The following GTF3C2 variants were observed in gnomAD, a reference collection of about 807,000 sequenced individuals.
GTF3C2 encodes general transcription factor IIIC subunit 2, also known as general transcription factor 3C polypeptide 2.
Under a neutral mutation model 117.4 loss-of-function variants are expected in GTF3C2, and 17 were observed. The ratio of observed to expected loss-of-function variants is 0.14; its 90% CI spans 0.10 to 0.22. GTF3C2 has a LOEUF of 0.22. Among genes scored for constraint, GTF3C2 ranks in the 10% least tolerant of loss-of-function variants. The probability of loss-of-function intolerance (pLI) is 1.00; values close to 1 mark genes in which losing one functional copy is unlikely to be tolerated. For synonymous variants in GTF3C2, 437 were observed against 427.0 expected (o/e 1.02, Z -0.29); for missense variants, 888 against 1,143.6 (o/e 0.78, Z 3.22).
At chr2:27,353,914 G>A (rs576790453) in intron 1 of GTF3C2, among the ~76,000 whole-genome samples, 2 of 151,598 alleles carry the variant, frequency 1.3e-5, no homozygotes, top group African/African-American at 4.8e-5. Flanking sequence ...GTAGAGACAG[G>A]GTCTCAACTA....
chr2:27,346,518 ATTTTTGTAT>A (rs891770041), intron 1 of GTF3C2, among the ~76,000 whole-genome samples: 1 of 148,324 alleles, frequency 6.7e-6, no homozygotes, highest in Non-Finnish European at 1.5e-5. Context: ...TGCCTGACTA[ATTTTTGTAT>A]TTTTTGTAGA....
intron 1 of GTF3C2, among the ~76,000 whole-genome samples, chr2:27,346,294 G>C (rs1343384584): frequency 1.4e-5 from 2 of 143,802 alleles, no homozygotes; most frequent in African/African-American, 2.5e-5. Context: ...AAAATGTTGG[G>C]ATTATAGGTG....
At chr2:27,343,777 G>A (rs1680826947) in intron 1 of GTF3C2, 199 bp from the exon 2 acceptor site, 4 of 521,430 alleles carry the variant, frequency 7.7e-6, no homozygotes, top group Non-Finnish European at 1.0e-5. Context: ...CAGGTGCGGT[G>A]GCTCACACCT....
At chr2:27,338,229 G>A (rs111384633) in intron 4 of GTF3C2, 5 of 553,400 alleles carry the variant, frequency 9.0e-6, no homozygotes, top group African/African-American at 3.8e-5. Flanking sequence ...TGCAAAATCT[G>A]TTACCTATTT....
intron 5 of GTF3C2, 96 bp downstream of exon 5, chr2:27,337,830 T>C: frequency 1.3e-6 from 1 of 791,484 alleles, no homozygotes; most frequent in Non-Finnish European, 2.3e-6. Flanking sequence ...ATTCCACCCA[T>C]GAGTGCTTCT....
Position 27,328,943 on chromosome 2 carries a change from G to A in GTF3C2, c.2040-12C>T, listed in dbSNP as rs764180241. ...CACAGAGTCCATAACTGTTAAAAGAGAAATAAATTTAAACCTTCCTTTTCT... is the reference window on the plus strand; with the variant it reads ...CACAGAGTCCATAACTGTTAAAAGAAAAATAAATTTAAACCTTCCTTTTCT... On this transcript the variant is annotated splice_polypyrimidine_tract_variant and intron_variant, in intron 14 of 18. Transcript: ENST00000264720. 1.3e-5 allele frequency: 20 copies of A among 1,576,072 alleles called. No individual in the cohort carries two copies. Among genetic ancestry groups the A allele is most frequent in the Non-Finnish European group, 1.5e-5 (17 of 1,148,052 alleles).
intron 18 of GTF3C2, 112 bp from the exon 19 acceptor site, chr2:27,327,005 C>G (rs1314157141): frequency 2.7e-6 from 2 of 731,034 alleles, no homozygotes; most frequent in Admixed American, 5.3e-5. Context: ...AGGACAGGAC[C>G]ATGAGGGGTG....
Position 27,329,325 on chromosome 2 carries a change from A to G in GTF3C2, c.1878-43T>C. 6.2e-7 allele frequency: 1 copy of G among 1,614,008 alleles called. No individual in the cohort carries two copies. The highest frequency in any genetic ancestry group is 8.5e-7 in the Non-Finnish European group (1 of 1,179,846). ...AAGGTCAAATCCAAACAAATCCGGA[A>G]GTCAGCCTGTCCCAGTCTTCACCTT... On this transcript the variant is annotated intron_variant, in intron 13 of 18. Coordinates refer to ENST00000264720, the Ensembl canonical transcript of GTF3C2. This position sits in a 1 kb window ranked among gnomAD's most constrained non-coding sequence, Gnocchi z 4.5.
At chr2:27,348,037 C>T (rs1014528859) in intron 1 of GTF3C2, among the ~76,000 whole-genome samples, 1 of 152,062 alleles carries the variant, frequency 6.6e-6, no homozygotes, top group African/African-American at 2.4e-5. Context: ...TTAGGAGGCC[C>T]GGACGGGCCA....
exon 19 of GTF3C2, chr2:27,326,698 G>C: frequency 6.2e-7 from 1 of 1,613,946 alleles, no homozygotes; most frequent in Non-Finnish European, 8.5e-7. Flanking sequence ...AGAAGGCGAT[G>C]GCTGGTTGGA....
intron 12 of GTF3C2, among the ~76,000 whole-genome samples, chr2:27,331,020 G>A (rs895543955): frequency 1.3e-5 from 2 of 152,206 alleles, no homozygotes; most frequent in African/African-American, 4.8e-5. Context: ...TCAGAAGGCT[G>A]AGCCACTCAG....
Position 27,329,204 on chromosome 2 carries a change from A to C in GTF3C2, c.1956T>G (p.Ser652=). 5 of 1,613,754 alleles carry C rather than the reference A, an allele frequency of 3.1e-6. No individual in the cohort carries two copies. Among genetic ancestry groups the C allele is most frequent in the Non-Finnish European group, 4.2e-6 (5 of 1,179,616 alleles). ...GTTCTGTACTCAAGAAGCGCTTGAT[A>C]GAGTTTATGGGTTCGTAAGGACGTC... Residue 652 remains serine, a synonymous_variant, in exon 14 of 19, where the codon TCT becomes TCG. Coordinates refer to ENST00000264720, the Ensembl canonical transcript of GTF3C2. The surrounding 1 kb of genome is among the most constrained non-coding windows in gnomAD (Gnocchi z 4.5).
At chr2:27,351,588 T>C (rs1681142257) in intron 1 of GTF3C2, among the ~76,000 whole-genome samples, 2 of 152,178 alleles carry the variant, frequency 1.3e-5, no homozygotes, top group South Asian at 4.1e-4. Flanking sequence ...CAGAACCTCA[T>C]CACTGCCAAA....
At chr2:27,344,383 C>T (rs1476126799) in intron 1 of GTF3C2, among the ~76,000 whole-genome samples, 1 of 152,122 alleles carries the variant, frequency 6.6e-6, no homozygotes, top group Non-Finnish European at 1.5e-5. Context: ...AAGTGCTATA[C>T]ATACATTATC....
At chr2:27,326,600 A>G in exon 19 of GTF3C2, 2 of 1,108,610 alleles carry the variant, frequency 1.8e-6, no homozygotes, top group Non-Finnish European at 2.7e-6. Flanking sequence ...GAAGGCCCCC[A>G]GTTCCTATGG....
chr2:27,337,557 G>A lies in GTF3C2; in HGVS notation c.952C>T (p.Arg318Ter). The A allele has an allele frequency of 6.2e-7, 1 of 1,603,206 alleles. No individual in the cohort carries two copies. Among genetic ancestry groups the A allele is most frequent in the Non-Finnish European group, 8.5e-7 (1 of 1,170,164 alleles). ...TCCCAGTATGAATGTTTCTGCTCTC[G>A]GCTGGAGAAACAGAAGAAGCATTAA... is the stretch of plus-strand genomic sequence containing the variant. The change falls in exon 6 of 19, where the codon CGA becomes TGA. Residue 318 changes from arginine (R) to a stop codon, truncating the protein, a stop_gained and splice_region_variant. Transcript: ENST00000264720. LOFTEE classifies it high-confidence loss of function.
chr2:27,328,972 G>A, intron 14 of GTF3C2, 41 bp from the exon 15 acceptor site: 1 of 1,493,082 alleles, frequency 6.7e-7, no homozygotes, highest in South Asian at 1.1e-5. Flanking sequence ...CTTTTCTTTA[G>A]ATTCATTTCT....
At chr2:27,348,429 G>C (rs138734640) in intron 1 of GTF3C2, among the ~76,000 whole-genome samples, 1 of 151,116 alleles carries the variant, frequency 6.6e-6, no homozygotes, top group Non-Finnish European at 1.5e-5. Flanking sequence ...TTGAGACTCT[G>C]TCTCAAAAAA....
At chr2:27,355,205 T>C (rs921403598) in intron 1 of GTF3C2, among the ~76,000 whole-genome samples, 1 of 152,222 alleles carries the variant, frequency 6.6e-6, no homozygotes, top group East Asian at 1.9e-4. Context: ...GACATCCATA[T>C]GACTTTTATG....
Sources: gnomAD v4.1 joint callset for allele counts (sites outside exome capture counted in the v4.1 genomes callset) on GRCh38, gnomAD v4.1.1 for gene constraint, Gnocchi (gnomAD v3.1) non-coding constraint, MANE v1.5 for transcripts, NCBI Gene and HGNC (gene_info 2026-07-23, HGNC 2026-07-21) for gene names.